CDPF1: variants seen among roughly 807,000 people sequenced by gnomAD.
The protein encoded by CDPF1 is cysteine-rich DPF motif domain-containing protein 1.
Under a neutral mutation model 8.3 loss-of-function variants are expected in CDPF1, and 8 were observed. That is an observed-to-expected ratio of 0.96 (90% CI 0.57 to 1.74). CDPF1 has a LOEUF of 1.74. Among genes scored for constraint, CDPF1 ranks in the 40% most tolerant of loss-of-function variants. CDPF1 has a pLI of 0.00. For synonymous variants in CDPF1, 62 were observed against 62.9 expected, an observed-to-expected ratio of 0.99 and a Z score of 0.07; for missense variants, 151 against 155.3, an observed-to-expected ratio of 0.97 and a Z score of 0.15.
rs372285906 is a variant in CDPF1, at chr22:46,247,871, T to C, written c.113+301A>G. ...GGAGACAGGCCTCCCATTAAGAAAG[T>C]GTCATGGCAAGGGTGCAGCCCCAAA... On this transcript the variant is annotated intron_variant, in intron 2 of 3. Coordinates refer to ENST00000314567, the MANE Select transcript of CDPF1 (RefSeq NM_207327.5). The surrounding 1 kb of genome is among the most constrained non-coding windows in gnomAD (Gnocchi z 4.3). Among the ~76,000 whole-genome samples the C allele has an allele frequency of 2.0e-5, 3 of 152,122 alleles. No individual in the cohort carries two copies. Among genetic ancestry groups the C allele is most frequent in the Non-Finnish European group, 4.4e-5 (3 of 68,004 alleles).
chr22:46,246,641 T>G lies in CDPF1; in HGVS notation c.225+469A>C, dbSNP rs1233288673. 3 of 1,546,084 alleles carry G rather than the reference T, an allele frequency of 1.9e-6. No homozygotes were observed. The highest frequency in any genetic ancestry group is 2.0e-5 in the Admixed American group (1 of 50,720). On this transcript the variant is annotated intron_variant, in intron 3 of 3. Transcript: ENST00000314567. The surrounding 1 kb of genome is among the most constrained non-coding windows in gnomAD (Gnocchi z 7.1). The stretch of plus-strand genomic sequence containing the variant: ...CTCTCTGAAGCTCAGTTCCCTCATC[T>G]ATAAAATGGGTGGAATATAATACTG...
In CDPF1 at chr22:46,246,614, G is replaced by C. The variant is rs930380308; in HGVS notation, c.225+496C>G. The C allele has an allele frequency of 5.9e-6, 9 of 1,528,822 alleles. No individual in the cohort carries two copies. The highest frequency in any genetic ancestry group is 5.3e-6 in the Non-Finnish European group (6 of 1,134,392). 94.7% of individuals were successfully genotyped at this position (1,528,822 alleles called of 1,614,324 possible). On this transcript the variant is annotated intron_variant, in intron 3 of 3. Coordinates refer to ENST00000314567, the MANE Select transcript of CDPF1 (RefSeq NM_207327.5). The surrounding 1 kb of genome is among the most constrained non-coding windows in gnomAD (Gnocchi z 7.1). ...TACCCAGGTGAACCTGGCCCACCCA[G>C]CCTCTCTGAAGCTCAGTTCCCTCAT...
rs1388080409 is a variant in CDPF1 at position 46,248,116 on chromosome 22, C to T, written c.113+56G>A. On this transcript the variant is annotated intron_variant, in intron 2 of 3. Transcript: ENST00000314567. This position sits in a 1 kb window ranked among gnomAD's most constrained non-coding sequence, Gnocchi z 4.1. The stretch of plus-strand genomic sequence containing the variant: ...TTGTCAGACCTAGGCACACCACCCA[C>T]CAACCAGCACTGGGCACAGGCCTCC... 3 of 1,289,528 alleles carry T rather than the reference C, an allele frequency of 2.3e-6. No homozygotes were observed. Among genetic ancestry groups the T allele is most frequent in the African/African-American group, 2.9e-5 (2 of 67,934 alleles). 79.9% of individuals were successfully genotyped at this position (1,289,528 alleles called of 1,614,324 possible).
In CDPF1 at chr22:46,248,121, C is replaced by T. The variant is rs1056902732; in HGVS notation, c.113+51G>A. 7.4e-7 allele frequency: 1 copy of T among 1,342,684 alleles called. No homozygotes were observed. The allele number at this position is 1,342,684 out of a possible 1,614,324, so 83.2% of individuals were successfully genotyped here. A position where few individuals can be genotyped will look rare whatever the true frequency, so the allele number is the denominator to read the frequency against. On this transcript the variant is annotated intron_variant, in intron 2 of 3. Transcript: ENST00000314567. The surrounding 1 kb of genome is among the most constrained non-coding windows in gnomAD (Gnocchi z 4.1). ...AGACCTAGGCACACCACCCACCAACCAGCACTGGGCACAGGCCTCCCCGGC... is the reference window on the plus strand; with the variant it reads ...AGACCTAGGCACACCACCCACCAACTAGCACTGGGCACAGGCCTCCCCGGC...
In CDPF1 at chr22:46,245,814, C is replaced by T. The variant is rs529763414; in HGVS notation, c.226-576G>A. On this transcript the variant is annotated intron_variant, in intron 3 of 3. Coordinates refer to ENST00000314567, the MANE Select transcript of CDPF1 (RefSeq NM_207327.5). This position sits in a 1 kb window ranked among gnomAD's most constrained non-coding sequence, Gnocchi z 6.9. ...CCCAGCCCCCTCTGTAACTGGGCAT[C>T]GCCATGTGACTCAGGCTGGTTAGGG... Among the ~76,000 whole-genome samples the T allele has an allele frequency of 9.2e-5, 14 of 152,334 alleles. No individual in the cohort carries two copies. The highest frequency in any genetic ancestry group is 3.1e-4 in the African/African-American group (13 of 41,578).
rs1265818284 is a variant in CDPF1 at position 46,246,837 on chromosome 22, A to G, written c.225+273T>C. The G allele has an allele frequency of 6.5e-7, 1 of 1,549,254 alleles. No individual in the cohort carries two copies. The highest frequency in any genetic ancestry group is 1.4e-5 in the African/African-American group (1 of 73,104). On this transcript the variant is annotated intron_variant, in intron 3 of 3. Transcript: ENST00000314567. The surrounding 1 kb of genome is among the most constrained non-coding windows in gnomAD (Gnocchi z 7.1). ...CATCCTGGTGAGAGGGCGCACAAGG[A>G]CTGTCTGCACTGTTGGTGGGAAGGG...
chr22:46,246,785 T>C lies in CDPF1; in HGVS notation c.225+325A>G. The C allele has an allele frequency of 6.3e-7, 1 of 1,594,380 alleles. No individual in the cohort carries two copies. Among genetic ancestry groups the C allele is most frequent in the Non-Finnish European group, 8.5e-7 (1 of 1,171,002 alleles). ...GACAGTCCCTTCTCCTGGAGATCCC[T>C]CCAAGAACATCTAGAAAGTAAGTCA... is the stretch of plus-strand genomic sequence containing the variant. On this transcript the variant is annotated intron_variant, in intron 3 of 3. Coordinates refer to ENST00000314567, the MANE Select transcript of CDPF1 (RefSeq NM_207327.5). This position sits in a 1 kb window ranked among gnomAD's most constrained non-coding sequence, Gnocchi z 7.1.
In CDPF1 at chr22:46,246,571, C is replaced by A. The variant is rs544541192; in HGVS notation, c.225+539G>T. 11 of 1,389,872 alleles carry A rather than the reference C, an allele frequency of 7.9e-6. No individual in the cohort carries two copies. The highest frequency in any genetic ancestry group is 4.3e-5 in the African/African-American group (3 of 69,288). 86.1% of individuals were successfully genotyped at this position (1,389,872 alleles called of 1,614,324 possible). A position where few individuals can be genotyped will look rare whatever the true frequency, so the allele number is the denominator to read the frequency against. On this transcript the variant is annotated intron_variant, in intron 3 of 3. Coordinates refer to ENST00000314567, the MANE Select transcript of CDPF1 (RefSeq NM_207327.5). This position sits in a 1 kb window ranked among gnomAD's most constrained non-coding sequence, Gnocchi z 7.1. ...AAAGCCATGCTGCTCCACTTCCATC[C>A]GTCCTTGGGTTTACAGCTACCCAGG...
chr22:46,245,172 G>A lies in CDPF1; in HGVS notation c.292C>T (p.Pro98Ser). 6.2e-7 allele frequency: 1 copy of A among 1,614,254 alleles called. No individual in the cohort carries two copies. Among genetic ancestry groups the A allele is most frequent in the Middle Eastern group, 1.6e-4 (1 of 6,062 alleles). Reference sequence around the variant, plus strand: ...TCCAAGTCTTGCCGAATTTCCTGAGGAAAAGCATTGATGTTCTCCCGGACA... The same window carrying A: ...TCCAAGTCTTGCCGAATTTCCTGAGAAAAAGCATTGATGTTCTCCCGGACA... ...PCVRENINAF[P>S]QEIRQDLEKR... Residue 98 changes from proline (P) to serine (S), a missense_variant, in exon 4 of 4, where the codon CCT (proline) becomes TCT (serine). By Grantham distance (74) the Pro-to-Ser change is moderately conservative. Transcript: ENST00000314567. The surrounding 1 kb of genome is among the most constrained non-coding windows in gnomAD (Gnocchi z 6.9).
Position 46,248,503 on chromosome 22 carries a change from T to C in CDPF1, c.1-219A>G, listed in dbSNP as rs2147767596. Among the ~76,000 whole-genome samples the C allele has an allele frequency of 6.6e-6, 1 of 152,344 alleles. No individual in the cohort carries two copies. Among genetic ancestry groups the C allele is most frequent in the Admixed American group, 6.5e-5 (1 of 15,304 alleles). ...CAATGGTTTAAGGTTTTTGTACTGC[T>C]AGAGAGAAGGATCCAGACAGGATCA... On this transcript the variant is annotated intron_variant, in intron 1 of 3. Coordinates refer to ENST00000314567, the MANE Select transcript of CDPF1 (RefSeq NM_207327.5). The surrounding 1 kb of genome is among the most constrained non-coding windows in gnomAD (Gnocchi z 4.1).
Position 46,244,981 on chromosome 22 carries a change from G to T in CDPF1, c.*111C>A. 1 of 1,399,966 alleles carries T rather than the reference G, an allele frequency of 7.1e-7. No homozygotes were observed. The highest frequency in any genetic ancestry group is 9.8e-7 in the Non-Finnish European group (1 of 1,021,980). The allele number at this position is 1,399,966 out of a possible 1,614,324, so 86.7% of individuals were successfully genotyped here. A position where few individuals can be genotyped will look rare whatever the true frequency, so the allele number is the denominator to read the frequency against. ...CTGGGCTGCAGTGCTGCTCCCAGTG[G>T]TCCAGAAACAAGGCCAGGCATGGCG... is the stretch of plus-strand genomic sequence containing the variant. On this transcript the variant is annotated 3_prime_UTR_variant, in exon 4 of 4. Coordinates refer to ENST00000314567, the MANE Select transcript of CDPF1 (RefSeq NM_207327.5). This position sits in a 1 kb window ranked among gnomAD's most constrained non-coding sequence, Gnocchi z 6.7.
At position 46,247,669 on chromosome 22, in the gene CDPF1, C is replaced by T. The variant is rs1936512244; in HGVS notation, c.114-448G>A. Among the ~76,000 whole-genome samples the T allele has an allele frequency of 6.6e-6, 1 of 152,186 alleles. No homozygotes were observed. Among genetic ancestry groups the T allele is most frequent in the Non-Finnish European group, 1.5e-5 (1 of 68,032 alleles). On this transcript the variant is annotated intron_variant, in intron 2 of 3. Transcript: ENST00000314567. This position sits in a 1 kb window ranked among gnomAD's most constrained non-coding sequence, Gnocchi z 4.3. ...GACCCCAGGGTGACATGATGACACTCAGGCTCCTGGTCAGCAGAGGGACGA... is the reference window on the plus strand; with the variant it reads ...GACCCCAGGGTGACATGATGACACTTAGGCTCCTGGTCAGCAGAGGGACGA...
Position 46,248,498 on chromosome 22 carries a change from A to C in CDPF1, c.1-214T>G, listed in dbSNP as rs992744562. Among the ~76,000 whole-genome samples the C allele has an allele frequency of 6.6e-5, 10 of 152,152 alleles. No individual in the cohort carries two copies. Among genetic ancestry groups the C allele is most frequent in the African/African-American group, 2.4e-4 (10 of 41,424 alleles). On this transcript the variant is annotated intron_variant, in intron 1 of 3. Coordinates refer to ENST00000314567, the MANE Select transcript of CDPF1 (RefSeq NM_207327.5). The surrounding 1 kb of genome is among the most constrained non-coding windows in gnomAD (Gnocchi z 4.1). ...TATTCCAATGGTTTAAGGTTTTTGTACTGCTAGAGAGAAGGATCCAGACAG... is the reference window on the plus strand; with the variant it reads ...TATTCCAATGGTTTAAGGTTTTTGTCCTGCTAGAGAGAAGGATCCAGACAG...
At chr22:46,250,043 C>T (rs1286819293) in intron 1 of CDPF1, among the ~76,000 whole-genome samples, 1 of 152,180 alleles carries the variant, frequency 6.6e-6, no homozygotes, top group East Asian at 1.9e-4. Context: ...CCCAGCGCTG[C>T]CCGAGGTCAG....
In CDPF1 at chr22:46,248,308, T is replaced by G; in HGVS notation, c.1-24A>C. On this transcript the variant is annotated intron_variant, in intron 1 of 3. Coordinates refer to ENST00000314567, the MANE Select transcript of CDPF1 (RefSeq NM_207327.5). The surrounding 1 kb of genome is among the most constrained non-coding windows in gnomAD (Gnocchi z 4.1). ...ATCTGCAAGATCAAGAGATGGGGTG[T>G]CCCTGGGTCACAGGCTTTCTCAGGA... The G allele has an allele frequency of 6.7e-7, 1 of 1,492,696 alleles. No homozygotes were observed. The highest frequency in any genetic ancestry group is 9.3e-7 in the Non-Finnish European group (1 of 1,074,290). The allele number at this position is 1,492,696 out of a possible 1,614,324, so 92.5% of individuals were successfully genotyped here. A position where few individuals can be genotyped will look rare whatever the true frequency, so the allele number is the denominator to read the frequency against.
rs776352934 is a variant in CDPF1 at position 46,248,124 on chromosome 22, C to T, written c.113+48G>A. ...CCTAGGCACACCACCCACCAACCAGCACTGGGCACAGGCCTCCCCGGCACT... is the reference window on the plus strand; with the variant it reads ...CCTAGGCACACCACCCACCAACCAGTACTGGGCACAGGCCTCCCCGGCACT... On this transcript the variant is annotated intron_variant, in intron 2 of 3. Coordinates refer to ENST00000314567, the MANE Select transcript of CDPF1 (RefSeq NM_207327.5). The surrounding 1 kb of genome is among the most constrained non-coding windows in gnomAD (Gnocchi z 4.1). 1.2e-4 allele frequency: 158 copies of T among 1,370,782 alleles called. No individual in the cohort carries two copies. Among genetic ancestry groups the T allele is most frequent in the Non-Finnish European group, 4.1e-6 (4 of 969,188 alleles). 84.9% of individuals were successfully genotyped at this position (1,370,782 alleles called of 1,614,324 possible).
Position 46,248,698 on chromosome 22 carries a change from C to T in CDPF1, c.1-414G>A, listed in dbSNP as rs959724111. Among the ~76,000 whole-genome samples the T allele has an allele frequency of 2.0e-5, 3 of 152,196 alleles. No individual in the cohort carries two copies. Among genetic ancestry groups the T allele is most frequent in the African/African-American group, 7.2e-5 (3 of 41,454 alleles). ...TGCTCCTAGAAGCTCTATGCCCTCACATTAGTCCACACGTGGTGTGGACAT... is the reference window on the plus strand; with the variant it reads ...TGCTCCTAGAAGCTCTATGCCCTCATATTAGTCCACACGTGGTGTGGACAT... On this transcript the variant is annotated intron_variant, in intron 1 of 3. Coordinates refer to ENST00000314567, the MANE Select transcript of CDPF1 (RefSeq NM_207327.5). This position sits in a 1 kb window ranked among gnomAD's most constrained non-coding sequence, Gnocchi z 4.1.
chr22:46,248,180 CTG>C lies in CDPF1; in HGVS notation c.103_104del (p.Gln35ValfsTer182). 1 of 1,612,264 alleles carries C rather than the reference CTG, an allele frequency of 6.2e-7. No homozygotes were observed. Among genetic ancestry groups the C allele is most frequent in the Non-Finnish European group, 8.5e-7 (1 of 1,178,724 alleles). ...SYVGQKPPNT[Q>X]SMVLLEESYV... is the part of the protein sequence containing the mutation. Reference sequence around the variant, plus strand: ...AAAAGGCATGCACTCACACCATCGACTGGGTGTTGGGGGGCTTCTGTCCCACA... The same window carrying C: ...AAAAGGCATGCACTCACACCATCGACGGTGTTGGGGGGCTTCTGTCCCACA... On this transcript the variant is annotated frameshift_variant, in exon 2 of 4. Transcript: ENST00000314567. LOFTEE classifies it high-confidence loss of function. The surrounding 1 kb of genome is among the most constrained non-coding windows in gnomAD (Gnocchi z 4.1).
In CDPF1 at chr22:46,245,373, G is replaced by A. The variant is rs1462558442; in HGVS notation, c.226-135C>T. Reference sequence around the variant, plus strand: ...TGCACAGTGTGGGCAGGTGGCCAGAGCTAGACCAGCAAGAGGGAGAGCCAG... The same window carrying A: ...TGCACAGTGTGGGCAGGTGGCCAGAACTAGACCAGCAAGAGGGAGAGCCAG... On this transcript the variant is annotated intron_variant, in intron 3 of 3. Coordinates refer to ENST00000314567, the MANE Select transcript of CDPF1 (RefSeq NM_207327.5). This position sits in a 1 kb window ranked among gnomAD's most constrained non-coding sequence, Gnocchi z 6.9. 1 of 862,822 alleles carries A rather than the reference G, an allele frequency of 1.2e-6. No homozygotes were observed. 53.4% of individuals were successfully genotyped at this position (862,822 alleles called of 1,614,324 possible).
Sources: gnomAD v4.1 joint callset for allele counts (sites outside exome capture counted in the v4.1 genomes callset) on GRCh38, gnomAD v4.1.1 for gene constraint, Gnocchi (gnomAD v3.1) non-coding constraint, MANE v1.5 for transcripts, NCBI Gene and HGNC (gene_info 2026-07-23, HGNC 2026-07-21) for gene names.